Variants in ARHGAP25 observed in about 807,000 individuals in gnomAD.
ARHGAP25 encodes Rho GTPase activating protein 25, also known as rho GTPase-activating protein 25.
In ARHGAP25, 34 loss-of-function variants were observed where a neutral mutation model predicts 71.0. The observed-to-expected ratio is 0.48, with a 90% CI of 0.36 to 0.64. ARHGAP25 has a LOEUF of 0.64. Among genes scored for constraint, ARHGAP25 ranks in the 30% least tolerant of loss-of-function variants. The probability of loss-of-function intolerance (pLI) is 0.00; values close to 1 mark genes in which losing one functional copy is unlikely to be tolerated. For missense variants in ARHGAP25, 706 were observed against 805.1 expected (o/e 0.88, Z 1.49); for synonymous variants, 282 against 296.5 (o/e 0.95, Z 0.50).
chr2:68,762,429 G>A (rs1246825063), intron 1 of ARHGAP25, among the ~76,000 whole-genome samples: 3 of 152,072 alleles, frequency 2.0e-5, no homozygotes, highest in African/African-American at 7.2e-5. Context: ...AATAAATCAC[G>A]CAAGTTATAA....
chr2:68,808,138 G>A (rs1298413073), intron 5 of ARHGAP25, among the ~76,000 whole-genome samples: 1 of 151,986 alleles, frequency 6.6e-6, no homozygotes, highest in Non-Finnish European at 1.5e-5. Flanking sequence ...CTCAGCTGAG[G>A]TTTCCTTCTC....
intron 6 of ARHGAP25, among the ~76,000 whole-genome samples, chr2:68,815,234 G>C (rs1405197251): frequency 6.6e-6 from 1 of 152,176 alleles, no homozygotes; most frequent in Non-Finnish European, 1.5e-5. Flanking sequence ...TGGCAGCTAG[G>C]AGGGGTGAGT....
intron 2 of ARHGAP25, among the ~76,000 whole-genome samples, chr2:68,724,066 G>C (rs1037367051): frequency 6.6e-6 from 1 of 151,978 alleles, no homozygotes; most frequent in Non-Finnish European, 1.5e-5. Context: ...TCTTCTTTGA[G>C]GTCTGAGTAT....
intron 8 of ARHGAP25, among the ~76,000 whole-genome samples, chr2:68,818,452 CAAG>C (rs1037875663): frequency 6.6e-6 from 1 of 152,198 alleles, no homozygotes; most frequent in Non-Finnish European, 1.5e-5. Context: ...CTCAGCCTCC[CAAG>C]TAGCTGGGAC....
intron 1 of ARHGAP25, among the ~76,000 whole-genome samples, chr2:68,765,803 C>A (rs1677088150): frequency 1.3e-5 from 2 of 152,160 alleles, no homozygotes; most frequent in Admixed American, 1.3e-4. Context: ...CCTGGGCCCA[C>A]CCCACTGCTA....
At chr2:68,785,351 G>A (rs1678680498) in intron 3 of ARHGAP25, among the ~76,000 whole-genome samples, 2 of 152,210 alleles carry the variant, frequency 1.3e-5, no homozygotes, top group South Asian at 4.1e-4. Flanking sequence ...AAGAATCCAA[G>A]TCAGAGATAG....
chr2:68,794,631 G>T (rs983525782), intron 4 of ARHGAP25, among the ~76,000 whole-genome samples: 45 of 152,088 alleles, frequency 3.0e-4, no homozygotes, highest in African/African-American at 9.4e-4. Context: ...TTTGATCATG[G>T]TGTGTTATCT....
intron 2 of ARHGAP25, among the ~76,000 whole-genome samples, chr2:68,776,424 C>T (rs750736515): frequency 1.3e-4 from 20 of 152,182 alleles, no homozygotes; most frequent in East Asian, 1.9e-4. Context: ...CCAGAGGAGA[C>T]GCAAGTAATC....
intron 4 of ARHGAP25, among the ~76,000 whole-genome samples, chr2:68,802,365 G>A (rs1365342520): frequency 3.9e-5 from 5 of 126,906 alleles, no homozygotes; most frequent in East Asian, 2.3e-4. Flanking sequence ...CCAAGATTGC[G>A]CCACTGCACC....
At chr2:68,789,181 T>G (rs1244616966) in intron 4 of ARHGAP25, among the ~76,000 whole-genome samples, 5 of 152,078 alleles carry the variant, frequency 3.3e-5, no homozygotes, top group Non-Finnish European at 7.4e-5. Flanking sequence ...TACAGGCGCC[T>G]GCCACCATGC....
rs374756631 is a variant in ARHGAP25, at chr2:68,815,674, G to C, written c.808-615G>C. On this transcript the variant is annotated intron_variant, in intron 6 of 10. Transcript: ENST00000409202. ...CAGATGGTGATTACAGACCCTACAGGCAGCTGTGGTTGAAAAGAACACGGA... is the reference window on the plus strand; with the variant it reads ...CAGATGGTGATTACAGACCCTACAGCCAGCTGTGGTTGAAAAGAACACGGA... Among the ~76,000 whole-genome samples, 31 of 152,120 alleles carry C rather than the reference G, an allele frequency of 2.0e-4. No homozygotes were observed. The East Asian group carries it at 5.0e-3, about 25-fold the overall frequency.
At chr2:68,789,742 G>A (rs973853101) in intron 4 of ARHGAP25, among the ~76,000 whole-genome samples, 10 of 152,098 alleles carry the variant, frequency 6.6e-5, no homozygotes, top group African/African-American at 1.4e-4. Flanking sequence ...AATGGTATCC[G>A]TGTACTTTCA....
At chr2:68,825,962 C>A in intron 10 of ARHGAP25, 25 bp from the exon 11 acceptor site, 1 of 1,587,170 alleles carries the variant, frequency 6.3e-7, no homozygotes, top group South Asian at 1.1e-5. Context: ...CACATTCTTT[C>A]ATTCTTTTCT....
chr2:68,820,079 T>C (rs957511860), intron 9 of ARHGAP25, among the ~76,000 whole-genome samples: 2 of 152,168 alleles, frequency 1.3e-5, no homozygotes, highest in Non-Finnish European at 2.9e-5. Flanking sequence ...AGGCAGGTAG[T>C]GGGTAGTGGT....
upstream of ARHGAP25, among the ~76,000 whole-genome samples, chr2:68,734,284 T>C (rs1045813253): frequency 6.6e-6 from 1 of 152,196 alleles, no homozygotes; most frequent in Admixed American, 6.5e-5. Flanking sequence ...CCACACCATG[T>C]ATACAGCCCA....
chr2:68,787,188 G>A (rs1356019331), intron 3 of ARHGAP25, among the ~76,000 whole-genome samples: 3 of 152,012 alleles, frequency 2.0e-5, no homozygotes, highest in African/African-American at 7.3e-5. Context: ...TGGTCCATTT[G>A]AGAACACCAA....
chr2:68,716,674 A>G (rs188345587), intron 2 of ARHGAP25, among the ~76,000 whole-genome samples: 7 of 152,340 alleles, frequency 4.6e-5, no homozygotes, highest in Non-Finnish European at 4.4e-5. Flanking sequence ...ACATCGTTTT[A>G]TTCAAACCTT....
chr2:68,746,732 C>A (rs563652439), intron 1 of ARHGAP25, among the ~76,000 whole-genome samples: 1 of 149,940 alleles, frequency 6.7e-6, no homozygotes, highest in Non-Finnish European at 1.5e-5. Flanking sequence ...CAGGGCCGGG[C>A]GCGGTGGCTC....
intron 1 of ARHGAP25, among the ~76,000 whole-genome samples, chr2:68,736,299 G>T (rs760355475): frequency 1.3e-5 from 2 of 152,190 alleles, no homozygotes; most frequent in Non-Finnish European, 2.9e-5. Flanking sequence ...TTGATAACTA[G>T]GGGAGATTAG....
Sources: gnomAD v4.1 joint callset for allele counts (sites outside exome capture counted in the v4.1 genomes callset) on GRCh38, gnomAD v4.1.1 for gene constraint, MANE v1.5 for transcripts, NCBI Gene and HGNC (gene_info 2026-07-23, HGNC 2026-07-21) for gene names.